Variants in CNTROB observed in about 807,000 individuals in gnomAD.
CNTROB encodes the protein centrobin, centriole duplication and spindle assembly protein, also known as centrobin.
Under a neutral mutation model 115.7 loss-of-function variants are expected in CNTROB, and 82 were observed. That is an observed-to-expected ratio of 0.71 (90% CI 0.59 to 0.85). The LOEUF (loss-of-function observed/expected upper bound fraction) is 0.85. CNTROB is among the 40% of genes least tolerant of loss of function. CNTROB has a pLI of 0.00. For missense variants in CNTROB, 1,014 were observed against 1,144.4 expected, an observed-to-expected ratio of 0.89 and a Z score of 1.64; for synonymous variants, 439 against 456.4, an observed-to-expected ratio of 0.96 and a Z score of 0.49.
chr17:7,948,500 T>C lies in CNTROB; in HGVS notation c.2394T>C (p.Leu798=). ...GATGTCTGTCAGGTGGAGATGGGCT[T>C]ACATTCCCAAGGCAGCTGATGGAGG... The part of the protein sequence containing the change: ...SGSPERGGDG[L]TFPRQLMEVS... Residue 798 remains leucine (L), a synonymous_variant, in exon 17 of 19, where the codon CTT becomes CTC. Transcript: ENST00000563694. This position sits in a 1 kb window ranked among gnomAD's most constrained non-coding sequence, Gnocchi z 4.4. 1.2e-6 allele frequency: 2 copies of C among 1,614,084 alleles called. No individual in the cohort carries two copies. The highest frequency in any genetic ancestry group is 1.7e-6 in the Non-Finnish European group (2 of 1,179,996).
chr17:7,942,379 C>T (rs1226250689), intron 9 of CNTROB, among the ~76,000 whole-genome samples: 4 of 151,898 alleles, frequency 2.6e-5, no homozygotes, highest in African/African-American at 7.3e-5. Flanking sequence ...GGGTGGATCA[C>T]GAGGTCAGGA....
rs777374888 is a variant in CNTROB at position 7,937,217 on chromosome 17, T to C, written c.882T>C (p.Arg294=). 1 of 1,614,174 alleles carries C rather than the reference T, an allele frequency of 6.2e-7. No homozygotes were observed. The highest frequency in any genetic ancestry group is 2.2e-5 in the East Asian group (1 of 44,878). Residue 294 remains arginine (R), a synonymous_variant, in exon 7 of 19, where the codon CGT becomes CGC. Coordinates refer to ENST00000563694, the MANE Select transcript of CNTROB (RefSeq NM_053051.5). ...CTGAGGCCATGGAGGCCCTGAATCGTGAGCAGGAAAGTGCCAGACTGCAGC... is the reference window on the plus strand; with the variant it reads ...CTGAGGCCATGGAGGCCCTGAATCGCGAGCAGGAAAGTGCCAGACTGCAGC... The part of the protein sequence containing the change: ...SLSEAMEALN[R]EQESARLQQR...
chr17:7,949,305 C>G, intron 18 of CNTROB, 80 bp from the exon 19 acceptor site: 1 of 1,599,242 alleles, frequency 6.3e-7, no homozygotes, highest in South Asian at 1.1e-5. Context: ...CTGGCCCTCT[C>G]CACGTGCATT....
At chr17:7,934,412 C>T in intron 2 of CNTROB, 53 bp from the exon 3 acceptor site, 24 of 1,552,542 alleles carry the variant, frequency 1.5e-5, no homozygotes, top group Non-Finnish European at 2.1e-5. Context: ...CAGGTGGCCC[C>T]TGTTTTTGTC....
In CNTROB at chr17:7,944,614, C is replaced by T; in HGVS notation, c.1710C>T (p.Thr570=). Residue 570 remains threonine, a synonymous_variant, in exon 12 of 19, where the codon ACC becomes ACT. Coordinates refer to ENST00000563694, the MANE Select transcript of CNTROB (RefSeq NM_053051.5). The surrounding 1 kb of genome is among the most constrained non-coding windows in gnomAD (Gnocchi z 4.0). ...ATGAGGCCAACCAGCTGCTCAGCAC[C>T]ACTCTCCCGCCGCCCAACCCTCCAG... ...HWDEANQLLS[T]TLPPPNPPAP... The T allele has an allele frequency of 6.2e-7, 1 of 1,611,638 alleles. No homozygotes were observed. Among genetic ancestry groups the T allele is most frequent in the Non-Finnish European group, 8.5e-7 (1 of 1,178,304 alleles).
intron 17 of CNTROB, 47 bp from the exon 18 acceptor site, chr17:7,949,038 C>CG (rs750166258): frequency 6.2e-7 from 1 of 1,613,062 alleles, no homozygotes; most frequent in Non-Finnish European, 8.5e-7. Context: ...ATTGGGTAAC[C>CG]GGGGGGACGG....
intron 13 of CNTROB, 119 bp downstream of exon 13, chr17:7,946,105 G>A (rs577235402): frequency 1.7e-5 from 15 of 862,418 alleles, no homozygotes; most frequent in South Asian, 8.1e-5. Context: ...TTTAGTGATC[G>A]CAAGTTGCAA....
chr17:7,937,585 T>C (rs1219950071), intron 7 of CNTROB, among the ~76,000 whole-genome samples: 2 of 152,038 alleles, frequency 1.3e-5, no homozygotes, highest in Non-Finnish European at 2.9e-5. Flanking sequence ...AGGCAGATCA[T>C]GAGGTCAGGA....
At position 7,936,393 on chromosome 17, in the gene CNTROB, C is replaced by T; in HGVS notation, c.622C>T (p.Gln208Ter). The change falls in exon 5 of 19, where the codon CAG becomes TAG. Residue 208 changes from glutamine (Q) to a stop codon, truncating the protein, a stop_gained. Transcript: ENST00000563694. LOFTEE classifies it high-confidence loss of function. ...TTGTGAGCGCCATATTCAGAGCCTG[C>T]AGACCCGAGTGTTAGAGCTACAGCA... ...KHCERHIQSL[Q>*]TRVLELQQQL... 1 of 1,532,620 alleles carries T rather than the reference C, an allele frequency of 6.5e-7. No homozygotes were observed. The highest frequency in any genetic ancestry group is 9.0e-7 in the Non-Finnish European group (1 of 1,105,736). The allele number at this position is 1,532,620 out of a possible 1,614,324, so 94.9% of individuals were successfully genotyped here.
Position 7,943,394 on chromosome 17 carries a change from C to T in CNTROB, c.1315C>T (p.Arg439Trp), listed in dbSNP as rs779425949. ...ATCCCACCTTCCTTCACTCCAGGCC[C>T]GGTATGAAAGCCAGCGGATCCAGCT... ...LQLEMSLVQA[R>W]YESQRIQLES... is the part of the protein sequence containing the mutation. The change falls in exon 10 of 19, where the codon CGG becomes TGG. Residue 439 changes from arginine (R) to tryptophan (W), a missense_variant. By Grantham distance (101) the Arg-to-Trp change is moderately radical. Transcript: ENST00000563694. This position sits in a 1 kb window ranked among gnomAD's most constrained non-coding sequence, Gnocchi z 4.7. 1.6e-5 allele frequency: 26 copies of T among 1,612,052 alleles called. No individual in the cohort carries two copies. The highest frequency in any genetic ancestry group is 1.2e-4 in the Admixed American group (7 of 59,956).
rs138373791 is a variant in CNTROB, at chr17:7,934,514, C to A, written c.405C>A (p.Ser135=). ...GCTCAGAGAGACGGGAAGAGGACTC[C>A]TTTGACAGTGATAGCACAGCCACCT... ...GAGSERREED[S]FDSDSTATLL... Residue 135 remains serine, a synonymous_variant, in exon 3 of 19, where the codon TCC becomes TCA. Transcript: ENST00000563694. 3.7e-6 allele frequency: 6 copies of A among 1,614,182 alleles called. No individual in the cohort carries two copies. The South Asian group carries it at 6.6e-5, about 18-fold the overall frequency.
rs191132270 is a variant in CNTROB at position 7,937,122 on chromosome 17, T to A, written c.829-42T>A. On this transcript the variant is annotated intron_variant, in intron 6 of 18. Coordinates refer to ENST00000563694, the MANE Select transcript of CNTROB (RefSeq NM_053051.5). ...TTTATAAAATATAGCACACACAGAT[T>A]TCCCACAGTTCCTCTGCCCTGTATT... 2.4e-5 allele frequency: 38 copies of A among 1,609,372 alleles called. No homozygotes were observed. The East Asian group carries it at 4.7e-4, about 20-fold the overall frequency.
Position 7,937,270 on chromosome 17 carries a change from G to A in CNTROB, c.927+8G>A, listed in dbSNP as rs1333937776. On this transcript the variant is annotated splice_region_variant and intron_variant, in intron 7 of 18. Transcript: ENST00000563694. Reference sequence around the variant, plus strand: ...CGGGAAAGAGAGACACTGGTGAGAAGATTGGACTGGGTTAATTCCACTGGA... The same window carrying A: ...CGGGAAAGAGAGACACTGGTGAGAAAATTGGACTGGGTTAATTCCACTGGA... The A allele has an allele frequency of 6.2e-7, 1 of 1,613,986 alleles. No individual in the cohort carries two copies. Among genetic ancestry groups the A allele is most frequent in the East Asian group, 2.2e-5 (1 of 44,872 alleles).
In CNTROB at chr17:7,944,239, A is replaced by G. The variant is rs762806025; in HGVS notation, c.1562A>G (p.Tyr521Cys). 1.6e-5 allele frequency: 26 copies of G among 1,613,868 alleles called. No individual in the cohort carries two copies. Among genetic ancestry groups the G allele is most frequent in the Non-Finnish European group, 2.0e-5 (24 of 1,179,818 alleles). ...EERQQQVAED[Y>C]ELRLAREQAR... ...CGGCAACAGCAGGTGGCTGAGGACT[A>G]CGAGCTCAGGTCCTGGTCCCCAGAG... The change falls in exon 11 of 19, where the codon TAC becomes TGC. Residue 521 changes from tyrosine to cysteine, a missense_variant. Physicochemically the swap from Tyr to Cys is radical, Grantham distance 194. Transcript: ENST00000563694. This position sits in a 1 kb window ranked among gnomAD's most constrained non-coding sequence, Gnocchi z 4.0.
intron 4 of CNTROB, chr17:7,935,586 T>C: frequency 5.8e-6 from 1 of 173,200 alleles, no homozygotes; most frequent in Non-Finnish European, 1.3e-5. Context: ...GAGGGCTTTT[T>C]TGACCATTCC....
chr17:7,948,786 T>C lies in CNTROB; in HGVS notation c.2513+167T>C. On this transcript the variant is annotated intron_variant, in intron 17 of 18. Transcript: ENST00000563694. The surrounding 1 kb of genome is among the most constrained non-coding windows in gnomAD (Gnocchi z 4.4). ...CTTCTCTAACTGCCCCACACTTTTC[T>C]TTTATCTCCTCCTTTCTATTGCTTT... 5 of 1,534,922 alleles carry C rather than the reference T, an allele frequency of 3.3e-6. No individual in the cohort carries two copies. The South Asian group carries it at 6.2e-5, about 19-fold the overall frequency.
intron 4 of CNTROB, chr17:7,935,618 T>C (rs1257290280): frequency 6.0e-6 from 1 of 167,348 alleles, no homozygotes; most frequent in Non-Finnish European, 1.3e-5. Context: ...CACCACCTCC[T>C]TTCCAAGTAG....
chr17:7,932,481 G>A lies in CNTROB; in HGVS notation c.-599G>A, dbSNP rs1317457420. The A allele has an allele frequency of 6.3e-6, 1 of 158,170 alleles. No individual in the cohort carries two copies. The highest frequency in any genetic ancestry group is 1.4e-5 in the Non-Finnish European group (1 of 71,790). 9.8% of individuals were successfully genotyped at this position (158,170 alleles called of 1,614,324 possible). ...GGAGGGAGAGATTCTAGGGAACAAG[G>A]AAGCTCGCTATGGCTTTCTTGCCAG... On this transcript the variant is annotated 5_prime_UTR_variant, in exon 1 of 19. Coordinates refer to ENST00000563694, the MANE Select transcript of CNTROB (RefSeq NM_053051.5).
chr17:7,936,682 C>A lies in CNTROB; in HGVS notation c.712-19C>A. 2.7e-6 allele frequency: 3 copies of A among 1,094,908 alleles called. No individual in the cohort carries two copies. Among genetic ancestry groups the A allele is most frequent in the Non-Finnish European group, 4.3e-6 (3 of 705,324 alleles). The allele number at this position is 1,094,908 out of a possible 1,614,324, so 67.8% of individuals were successfully genotyped here. On this transcript the variant is annotated intron_variant, in intron 5 of 18. Transcript: ENST00000563694. Reference sequence around the variant, plus strand: ...CAAAAAAGTTATTTTGAAATTTCATCTTACTTGCCCTACCTAAGACCCTGG... The same window carrying A: ...CAAAAAAGTTATTTTGAAATTTCATATTACTTGCCCTACCTAAGACCCTGG...
Sources: allele counts gnomAD v4.1 joint callset (sites outside exome capture counted in the v4.1 genomes callset), GRCh38; gene constraint gnomAD v4.1.1; non-coding constraint Gnocchi (gnomAD v3.1); transcripts MANE v1.5; gene names NCBI Gene and HGNC (gene_info 2026-07-23, HGNC 2026-07-21).